SS18L1: variants seen among roughly 807,000 people sequenced by gnomAD.
SS18L1 encodes calcium-responsive transactivator.
SS18L1 carries 32 observed loss-of-function variants against 70.3 expected under a neutral mutation model. The observed-to-expected ratio is 0.46, with a 90% CI of 0.34 to 0.61. SS18L1 has a LOEUF of 0.61. SS18L1 is among the 20% of genes least tolerant of loss of function. The probability of loss-of-function intolerance (pLI) is 0.01; values close to 1 mark genes in which losing one functional copy is unlikely to be tolerated. For synonymous variants in SS18L1, 237 were observed against 229.7 expected (o/e 1.03, Z -0.29); for missense variants, 430 against 542.1 (o/e 0.79, Z 2.05).
At chr20:62,145,912 G>A (rs1358417387) in intron 1 of SS18L1, among the ~76,000 whole-genome samples, 1 of 152,252 alleles carries the variant, frequency 6.6e-6, no homozygotes, top group Non-Finnish European at 1.5e-5. Flanking sequence ...CATGCCGAGA[G>A]CTTTAAGAGA....
chr20:62,167,038 G>GTTGTTTTTTTTTTT (rs2057445231), intron 8 of SS18L1, among the ~76,000 whole-genome samples: 1 of 110,970 alleles, frequency 9.0e-6, no homozygotes, highest in African/African-American at 4.6e-5. Context: ...TCAGGAGTTT[G>GTTGTTTTTTTTTTT]TTTGTTTTTT....
At chr20:62,172,832 C>G in intron 9 of SS18L1, 31 bp downstream of exon 9, 1 of 1,604,880 alleles carries the variant, frequency 6.2e-7, no homozygotes, top group Non-Finnish European at 8.5e-7. Flanking sequence ...TCGGGGCCCC[C>G]CAGCGCCCAC....
chr20:62,166,808 T>C (rs1424661204), intron 8 of SS18L1, among the ~76,000 whole-genome samples: 1 of 151,052 alleles, frequency 6.6e-6, no homozygotes, highest in East Asian at 2.0e-4. Flanking sequence ...GCCTGTAATC[T>C]GAGCTACTCA....
intron 6 of SS18L1, 82 bp downstream of exon 6, chr20:62,163,704 G>T: frequency 1.4e-6 from 2 of 1,432,738 alleles, no homozygotes; most frequent in Non-Finnish European, 1.8e-6. Flanking sequence ...CTTCTCTTCG[G>T]GGAGCCTGGG....
intron 1 of SS18L1, among the ~76,000 whole-genome samples, chr20:62,157,587 C>T (rs777769641): frequency 2.5e-4 from 38 of 152,226 alleles, no homozygotes; most frequent in Non-Finnish European, 4.6e-4. Context: ...CAGAGAGACC[C>T]CTGGCCCAGC....
intron 5 of SS18L1, among the ~76,000 whole-genome samples, chr20:62,163,136 C>T (rs2057362496): frequency 6.6e-6 from 1 of 152,176 alleles, no homozygotes; most frequent in African/African-American, 2.4e-5. Flanking sequence ...TCCTCCTGTC[C>T]CCCAGCTTTG....
chr20:62,157,719 G>A (rs1055581356), intron 1 of SS18L1, among the ~76,000 whole-genome samples: 1 of 152,168 alleles, frequency 6.6e-6, no homozygotes. Flanking sequence ...GGTTCAAGAC[G>A]GGACCGGCCT....
At position 62,164,117 on chromosome 20, in the gene SS18L1, A is replaced by G. The variant is rs1309563867; in HGVS notation, c.722-28A>G. The G allele has an allele frequency of 5.2e-6, 8 of 1,544,104 alleles. No individual in the cohort carries two copies. In the South Asian group the frequency reaches 9.6e-5, roughly 18 times the overall value. ...TCTGAGGGAGGAGGGCGCGGCCCGC[A>G]CTGGCGCTGAATGTGGTTCCCCCGC... On this transcript the variant is annotated intron_variant, in intron 6 of 10. Coordinates refer to ENST00000331758, the MANE Select transcript of SS18L1 (RefSeq NM_198935.3).
rs561299698 is a variant in SS18L1, at chr20:62,158,136, C to T, written c.70-536C>T. On this transcript the variant is annotated intron_variant, in intron 1 of 10. Coordinates refer to ENST00000331758, the MANE Select transcript of SS18L1 (RefSeq NM_198935.3). This position sits in a 1 kb window ranked among gnomAD's most constrained non-coding sequence, Gnocchi z 4.5. ...TGGGGTGCCCACAGGGTCCTGACAT[C>T]CTTGCCATCGGCTTGGCTGACCCTT... Among the ~76,000 whole-genome samples, 1 of 152,158 alleles carries T rather than the reference C, an allele frequency of 6.6e-6. No homozygotes were observed.
chr20:62,148,348 C>A (rs1256361194), intron 1 of SS18L1, among the ~76,000 whole-genome samples: 6 of 146,502 alleles, frequency 4.1e-5, no homozygotes, highest in African/African-American at 1.0e-4. Context: ...TTGCTCTCTT[C>A]GGTCAGGTGA....
rs778655010 is a variant in SS18L1 at position 62,164,082 on chromosome 20, G to T, written c.722-63G>T. 3.4e-6 allele frequency: 5 copies of T among 1,466,916 alleles called. No homozygotes were observed. The African/African-American group carries it at 7.0e-5, about 21-fold the overall frequency. The allele number at this position is 1,466,916 out of a possible 1,614,324, so 90.9% of individuals were successfully genotyped here. The stretch of plus-strand genomic sequence containing the variant: ...CAAGGCCTTGGCTTCCCCAGTGAGC[G>T]AGCAGGTCCTCTGAGGGAGGAGGGC... On this transcript the variant is annotated intron_variant, in intron 6 of 10. Transcript: ENST00000331758.
intron 8 of SS18L1, 40 bp from the exon 9 acceptor site, chr20:62,172,642 A>G (rs2057551779): frequency 1.2e-6 from 2 of 1,613,824 alleles, no homozygotes; most frequent in East Asian, 2.2e-5. Flanking sequence ...CCCTTAGCCC[A>G]GGTGGGGAAA....
Position 62,161,953 on chromosome 20 carries a change from G to A in SS18L1, c.376+373G>A, listed in dbSNP as rs554375942. 2.6e-5 allele frequency among the ~76,000 whole-genome samples: 4 copies of A among 152,352 alleles called. No homozygotes were observed. Among genetic ancestry groups the A allele is most frequent in the African/African-American group, 9.6e-5 (4 of 41,582 alleles). ...GTAATATAACAGGCCGGGTGTGGTG[G>A]CTCAGATCTCTAATCCCAACCCTTT... On this transcript the variant is annotated intron_variant, in intron 4 of 10. Transcript: ENST00000331758. The surrounding 1 kb of genome is among the most constrained non-coding windows in gnomAD (Gnocchi z 4.4).
At position 62,174,018 on chromosome 20, in the gene SS18L1, A is replaced by G. The variant is rs6121941; in HGVS notation, c.1037-499A>G. 1.8e-4 allele frequency among the ~76,000 whole-genome samples: 22 copies of G among 120,200 alleles called. No individual in the cohort carries two copies. Among genetic ancestry groups the G allele is most frequent in the Admixed American group, 5.6e-4 (7 of 12,470 alleles). The allele number at this position is 120,200 out of a possible 152,430, so 78.9% of individuals were successfully genotyped here. ...TGGGTGACAGAGTGACACCCTGCCTAAAAAAAAAAAAAAAAATTGGCCTCT... is the reference window on the plus strand; with the variant it reads ...TGGGTGACAGAGTGACACCCTGCCTGAAAAAAAAAAAAAAAATTGGCCTCT... On this transcript the variant is annotated intron_variant, in intron 9 of 10. Coordinates refer to ENST00000331758, the MANE Select transcript of SS18L1 (RefSeq NM_198935.3). This position sits in a 1 kb window ranked among gnomAD's most constrained non-coding sequence, Gnocchi z 4.1.
chr20:62,177,265 C>T (rs1213622119), intron 10 of SS18L1, among the ~76,000 whole-genome samples: 1 of 148,954 alleles, frequency 6.7e-6, no homozygotes, highest in East Asian at 1.9e-4. Context: ...GCAACAAGAG[C>T]GAAACTCTGT....
intron 1 of SS18L1, 139 bp downstream of exon 1, chr20:62,144,028 C>T: frequency 2.4e-6 from 1 of 411,970 alleles, no homozygotes; most frequent in Non-Finnish European, 3.2e-6. Context: ...CCGACGGCGG[C>T]CCCGTGCCCT....
chr20:62,165,444 G>T lies in SS18L1; in HGVS notation c.846G>T (p.Gln282His), dbSNP rs769829122. 6.2e-7 allele frequency: 1 copy of T among 1,612,834 alleles called. No individual in the cohort carries two copies. The highest frequency in any genetic ancestry group is 1.1e-5 in the South Asian group (1 of 90,970). Reference sequence around the variant, plus strand: ...CAGGCCATGGCGATTACGCCTACCAGCAGTCATCCTACACGGAGCAGAGCT... The same window carrying T: ...CAGGCCATGGCGATTACGCCTACCATCAGTCATCCTACACGGAGCAGAGCT... The part of the protein sequence containing the change: ...YPDGHGDYAY[Q>H]QSSYTEQSYD... Residue 282 changes from glutamine (Q) to histidine (H), a missense_variant, in exon 8 of 11, where the codon CAG (glutamine) becomes CAT (histidine). Physicochemically the swap from Gln to His is conservative, Grantham distance 24. Transcript: ENST00000331758.
chr20:62,146,306 C>G (rs1209159207), intron 1 of SS18L1, among the ~76,000 whole-genome samples: 1 of 152,228 alleles, frequency 6.6e-6, no homozygotes, highest in African/African-American at 2.4e-5. Context: ...GATCCCCAGC[C>G]TCTCATAGTG....
chr20:62,164,131 T>C lies in SS18L1; in HGVS notation c.722-14T>C. 6.5e-7 allele frequency: 1 copy of C among 1,547,318 alleles called. No individual in the cohort carries two copies. The highest frequency in any genetic ancestry group is 8.7e-7 in the Non-Finnish European group (1 of 1,144,766). ...GCGCGGCCCGCACTGGCGCTGAATGTGGTTCCCCCGCAGGCTCTTCCCAGC... is the reference window on the plus strand; with the variant it reads ...GCGCGGCCCGCACTGGCGCTGAATGCGGTTCCCCCGCAGGCTCTTCCCAGC... On this transcript the variant is annotated splice_polypyrimidine_tract_variant and intron_variant, in intron 6 of 10. Transcript: ENST00000331758.
Sources: allele counts gnomAD v4.1 joint callset (sites outside exome capture counted in the v4.1 genomes callset), GRCh38; gene constraint gnomAD v4.1.1; non-coding constraint Gnocchi (gnomAD v3.1); transcripts MANE v1.5; gene names NCBI Gene and HGNC (gene_info 2026-07-23, HGNC 2026-07-21).